The following TLL1 variants were observed in gnomAD, a reference collection of about 807,000 sequenced individuals.
TLL1 encodes the protein tolloid like 1.
A neutral mutation model predicts 128.2 loss-of-function variants in TLL1; 49 were observed. That is an observed-to-expected ratio of 0.38 (90% CI 0.30 to 0.48). The LOEUF is 0.48. Among genes scored for constraint, TLL1 ranks in the 20% least tolerant of loss-of-function variants. The probability of loss-of-function intolerance (pLI) is 0.96; values close to 1 mark genes in which losing one functional copy is unlikely to be tolerated. For synonymous variants in TLL1, 454 were observed against 418.8 expected, an observed-to-expected ratio of 1.08 and a Z score of -1.03; for missense variants, 1,123 against 1,242.0, an observed-to-expected ratio of 0.90 and a Z score of 1.44.
chr4:166,017,861 T>A (rs2111056928), intron 8 of TLL1, among the ~76,000 whole-genome samples: 1 of 152,264 alleles, frequency 6.6e-6, no homozygotes, highest in South Asian at 2.1e-4. Context: ...CACTCATGAC[T>A]TATCAGGATA....
At chr4:165,991,260 A>C (rs1736625044) in intron 2 of TLL1, among the ~76,000 whole-genome samples, 1 of 152,148 alleles carries the variant, frequency 6.6e-6, no homozygotes, top group East Asian at 1.9e-4. Context: ...ATAGAATAAA[A>C]CAGATCATAC....
intron 1 of TLL1, among the ~76,000 whole-genome samples, chr4:165,951,600 A>C (rs1052434867): frequency 1.3e-5 from 2 of 152,174 alleles, no homozygotes; most frequent in South Asian, 4.1e-4. Context: ...GTTAAAAAGA[A>C]AGAGCTATAT....
At chr4:166,030,720 C>T (rs982490898) in intron 9 of TLL1, 14 of 1,178,782 alleles carry the variant, frequency 1.2e-5, no homozygotes, top group African/African-American at 4.8e-5. Context: ...TCTTCAACAC[C>T]ATTTGTTAAA....
chr4:165,982,687 T>A (rs7655345), intron 1 of TLL1, among the ~76,000 whole-genome samples: 9,148 of 151,124 alleles, frequency 0.061, 773 homozygotes, highest in African/African-American at 0.19. Flanking sequence ...ATTCTTGTGT[T>A]TGTGTGAAGA....
At chr4:165,888,641 A>G (rs974132866) in intron 1 of TLL1, among the ~76,000 whole-genome samples, 5 of 152,074 alleles carry the variant, frequency 3.3e-5, no homozygotes, top group Non-Finnish European at 5.9e-5. Context: ...CATAATGTCA[A>G]TTCAGAATGC....
chr4:165,939,349 C>T (rs546920789), intron 1 of TLL1, among the ~76,000 whole-genome samples: 22 of 152,110 alleles, frequency 1.4e-4, no homozygotes, highest in African/African-American at 5.3e-4. Context: ...ACCACTTAAC[C>T]CTCTTGTTGT....
chr4:165,906,827 GTT>G lies in TLL1; in HGVS notation c.169+32772_169+32773del, dbSNP rs372917139. ...ATCCTTTTGTCAGCTTATTTCTCCAGTTTTTTTTTTTTTTTTTTTGGTTCAGT... is the reference window on the plus strand; with the variant it reads ...ATCCTTTTGTCAGCTTATTTCTCCAGTTTTTTTTTTTTTTTTTGGTTCAGT... On this transcript the variant is annotated intron_variant, in intron 1 of 20. Coordinates refer to ENST00000061240, the MANE Select transcript of TLL1 (RefSeq NM_012464.5). Among the ~76,000 whole-genome samples the G allele has an allele frequency of 3.7e-3, 427 of 114,184 alleles. 3 individuals carry two copies. The highest frequency in any genetic ancestry group is 0.013 in the African/African-American group (397 of 31,348). 74.9% of individuals were successfully genotyped at this position (114,184 alleles called of 152,430 possible).
At chr4:165,889,659 G>A (rs990759585) in intron 1 of TLL1, among the ~76,000 whole-genome samples, 1 of 152,126 alleles carries the variant, frequency 6.6e-6, no homozygotes, top group Non-Finnish European at 1.5e-5. Flanking sequence ...GCTTTTCTTT[G>A]TCAGTGAGGT....
At chr4:165,914,052 G>A in intron 1 of TLL1, among the ~76,000 whole-genome samples, 1 of 151,840 alleles carries the variant, frequency 6.6e-6, no homozygotes, top group East Asian at 1.9e-4. Context: ...AATGTAGTAA[G>A]TCTCTAGAAT....
intron 1 of TLL1, among the ~76,000 whole-genome samples, chr4:165,971,473 G>A (rs1342699213): frequency 2.0e-5 from 3 of 152,184 alleles, no homozygotes; most frequent in Non-Finnish European, 4.4e-5. Flanking sequence ...CTGCCAAGAC[G>A]GTGACTCCTT....
At chr4:166,081,204 G>C (rs898789697) in intron 18 of TLL1, among the ~76,000 whole-genome samples, 1 of 152,112 alleles carries the variant, frequency 6.6e-6, no homozygotes, top group African/African-American at 2.4e-5. Flanking sequence ...AGGGGTAGTA[G>C]GTTTTGTTTT....
At chr4:165,877,251 A>G (rs1416649388) in intron 1 of TLL1, among the ~76,000 whole-genome samples, 3 of 152,268 alleles carry the variant, frequency 2.0e-5, no homozygotes, top group South Asian at 2.1e-4. Flanking sequence ...GAAAGACATT[A>G]TAGGTATAAG....
intron 8 of TLL1, among the ~76,000 whole-genome samples, chr4:166,024,277 ATCTT>A (rs757990590): frequency 5.9e-5 from 9 of 152,290 alleles, no homozygotes; most frequent in African/African-American, 9.6e-5. Flanking sequence ...CATATTCACT[ATCTT>A]TCTTTCTTTA....
chr4:165,947,909 G>A (rs1356037431), intron 1 of TLL1, among the ~76,000 whole-genome samples: 1 of 152,160 alleles, frequency 6.6e-6, no homozygotes, highest in Admixed American at 6.6e-5. Flanking sequence ...AAGGGACAGA[G>A]GCTATAAAAC....
In TLL1 at chr4:166,039,329, C is replaced by T. The variant is rs41280515; in HGVS notation, c.1159-10C>T. 0.025 allele frequency: 39,192 copies of T among 1,599,596 alleles called. 567 individuals carry two copies. The highest frequency in any genetic ancestry group is 0.03 in the Non-Finnish European group (34,888 of 1,167,244). On this transcript the variant is annotated splice_polypyrimidine_tract_variant and intron_variant, in intron 9 of 20. Coordinates refer to ENST00000061240, the MANE Select transcript of TLL1 (RefSeq NM_012464.5). ...TTTTACTCTGTGGGTTGCTTACCTC[C>T]ATTTTGCAGATTGTTTTAAATTTTA...
intron 1 of TLL1, among the ~76,000 whole-genome samples, chr4:165,980,715 C>CA (rs1736114174): frequency 6.6e-6 from 1 of 151,952 alleles, no homozygotes; most frequent in Non-Finnish European, 1.5e-5. Context: ...AAATAGAAGG[C>CA]AAAATAGTCC....
chr4:165,977,754 A>G (rs1371251178), intron 1 of TLL1, among the ~76,000 whole-genome samples: 1 of 152,230 alleles, frequency 6.6e-6, no homozygotes, highest in Non-Finnish European at 1.5e-5. Context: ...ATCAATAAGC[A>G]TAAGACAAAT....
chr4:166,033,186 C>T (rs1451862997), intron 9 of TLL1, among the ~76,000 whole-genome samples: 3 of 152,048 alleles, frequency 2.0e-5, no homozygotes, highest in Non-Finnish European at 2.9e-5. Context: ...CAAAATGTAC[C>T]TGCGCTTTTG....
intron 6 of TLL1, among the ~76,000 whole-genome samples, chr4:166,006,871 C>T (rs886186878): frequency 2.6e-5 from 4 of 151,604 alleles, no homozygotes; most frequent in Non-Finnish European, 5.9e-5. Flanking sequence ...TCCTTTATCA[C>T]GTATTGGAGA....
Sources: allele counts gnomAD v4.1 joint callset (sites outside exome capture counted in the v4.1 genomes callset), GRCh38; gene constraint gnomAD v4.1.1; transcripts MANE v1.5; gene names NCBI Gene and HGNC (gene_info 2026-07-23, HGNC 2026-07-21).